Variants in CDKAL1 observed in about 807,000 individuals in gnomAD.
The protein encoded by CDKAL1 is threonylcarbamoyladenosine tRNA methylthiotransferase.
In CDKAL1, 32 loss-of-function variants were observed where a neutral mutation model predicts 68.2. The ratio of observed to expected loss-of-function variants is 0.47; its 90% CI spans 0.35 to 0.63. The LOEUF (loss-of-function observed/expected upper bound fraction) is 0.63, where lower values mean the gene tolerates loss of function less well. Ranked by LOEUF, CDKAL1 falls within the 30% of genes least tolerant of loss-of-function variation. The pLI is 0.00. For synonymous variants in CDKAL1, 234 were observed against 244.3 expected (o/e 0.96, Z 0.39); for missense variants, 606 against 696.7 (o/e 0.87, Z 1.47).
At chr6:20,821,048 C>G (rs1180956294) in intron 8 of CDKAL1, among the ~76,000 whole-genome samples, 1 of 151,692 alleles carries the variant, frequency 6.6e-6, no homozygotes, top group Non-Finnish European at 1.5e-5. Flanking sequence ...AGAAGAGGGT[C>G]TCAGCGAAGC....
chr6:20,681,201 T>A (rs1406358789), intron 5 of CDKAL1, among the ~76,000 whole-genome samples: 1 of 152,188 alleles, frequency 6.6e-6, no homozygotes, highest in African/African-American at 2.4e-5. Flanking sequence ...TGTAGGTGAA[T>A]CCCTGTAAAG....
intron 13 of CDKAL1, among the ~76,000 whole-genome samples, chr6:21,150,644 T>G (rs1249922437): frequency 6.6e-6 from 1 of 152,200 alleles, no homozygotes; most frequent in African/African-American, 2.4e-5. Flanking sequence ...GAGGAAGCAG[T>G]CAAGTCCACT....
intron 10 of CDKAL1, among the ~76,000 whole-genome samples, chr6:20,963,044 G>A (rs764570594): frequency 6.6e-6 from 1 of 152,056 alleles, no homozygotes; most frequent in Non-Finnish European, 1.5e-5. Flanking sequence ...ATATTAAAAG[G>A]GCTCATATAC....
At chr6:20,936,693 C>T (rs2150686957) in intron 9 of CDKAL1, among the ~76,000 whole-genome samples, 1 of 152,162 alleles carries the variant, frequency 6.6e-6, no homozygotes, top group South Asian at 2.1e-4. Context: ...CAAATACAGG[C>T]ATTATCTTTT....
chr6:21,159,448 T>C (rs1228860745), intron 13 of CDKAL1, among the ~76,000 whole-genome samples: 2 of 152,218 alleles, frequency 1.3e-5, no homozygotes, highest in Non-Finnish European at 2.9e-5. Flanking sequence ...AATGATCTTT[T>C]ATACAAGCTG....
At chr6:20,957,935 C>A (rs1218908992) in intron 10 of CDKAL1, among the ~76,000 whole-genome samples, 4 of 145,454 alleles carry the variant, frequency 2.8e-5, no homozygotes, top group African/African-American at 1.0e-4. Flanking sequence ...TGTGCCACTG[C>A]ACTCCAGCCT....
chr6:20,561,502 G>A (rs1489681740), intron 4 of CDKAL1, among the ~76,000 whole-genome samples: 6 of 125,764 alleles, frequency 4.8e-5, no homozygotes, highest in East Asian at 2.2e-4. Context: ...TTAATATTAA[G>A]CCAGACTGTA....
intron 4 of CDKAL1, among the ~76,000 whole-genome samples, chr6:20,601,334 A>T (rs1766087667): frequency 6.6e-6 from 1 of 152,008 alleles, no homozygotes; most frequent in South Asian, 2.1e-4. Flanking sequence ...AGTGATTCTT[A>T]TTTTTTCTTT....
At chr6:20,888,492 G>A (rs1191922176) in intron 9 of CDKAL1, among the ~76,000 whole-genome samples, 1 of 147,300 alleles carries the variant, frequency 6.8e-6, no homozygotes, top group East Asian at 2.0e-4. Context: ...TTAGCATTAG[G>A]TATATCTCCT....
rs548348439 is a variant in CDKAL1, at chr6:21,202,091, G to A, written c.1548+817G>A. ...CAAAATAAATTGCAAGGACATGTTCGTTAAAATAAAGGGAATACCGCTTCA... is the reference window on the plus strand; with the variant it reads ...CAAAATAAATTGCAAGGACATGTTCATTAAAATAAAGGGAATACCGCTTCA... On this transcript the variant is annotated intron_variant, in intron 15 of 15. Transcript: ENST00000274695. Among the ~76,000 whole-genome samples, 32 of 152,228 alleles carry A rather than the reference G, an allele frequency of 2.1e-4. 1 individual carries two copies. Among genetic ancestry groups the A allele is most frequent in the Non-Finnish European group, 3.4e-4 (23 of 68,016 alleles).
chr6:21,208,631 T>C (rs752060019), intron 15 of CDKAL1, among the ~76,000 whole-genome samples: 2 of 152,228 alleles, frequency 1.3e-5, no homozygotes, highest in Non-Finnish European at 2.9e-5. Context: ...TACTAAACTT[T>C]ATGTGAGACT....
At chr6:20,644,502 C>T (rs1295428354) in intron 4 of CDKAL1, among the ~76,000 whole-genome samples, 4 of 151,948 alleles carry the variant, frequency 2.6e-5, no homozygotes, top group Admixed American at 1.3e-4. Context: ...ATGGTGAAAC[C>T]CTGTCTCTAC....
chr6:20,780,204 AT>A (rs1347533060), intron 7 of CDKAL1, among the ~76,000 whole-genome samples: 1 of 151,750 alleles, frequency 6.6e-6, no homozygotes, highest in Non-Finnish European at 1.5e-5. Context: ...AGGGTATGGG[AT>A]TTTTTTGTAT....
At chr6:20,739,119 AG>A (rs1441733225) in intron 5 of CDKAL1, among the ~76,000 whole-genome samples, 1 of 152,146 alleles carries the variant, frequency 6.6e-6, no homozygotes, top group Non-Finnish European at 1.5e-5. Context: ...ATTGGTCAAA[AG>A]ACTAGGAAAT....
intron 13 of CDKAL1, among the ~76,000 whole-genome samples, chr6:21,127,364 AGAG>A (rs1454356626): frequency 1.3e-5 from 2 of 152,242 alleles, no homozygotes; most frequent in East Asian, 3.8e-4. Flanking sequence ...ATGTCGATAT[AGAG>A]GAATTGTTTG....
rs144436818 is a variant in CDKAL1 at position 20,806,865 on chromosome 6, A to G, written c.638+25600A>G. On this transcript the variant is annotated intron_variant, in intron 8 of 15. Coordinates refer to ENST00000274695, the MANE Select transcript of CDKAL1 (RefSeq NM_017774.3). ...TAAAGCATTACTTAGTTCAAGCTGA[A>G]GTGGAATCTGCTAAGATGTGTTACA... 5.0e-4 allele frequency among the ~76,000 whole-genome samples: 76 copies of G among 152,336 alleles called. No homozygotes were observed. The East Asian group carries it at 9.9e-3, about 20-fold the overall frequency.
intron 4 of CDKAL1, among the ~76,000 whole-genome samples, chr6:20,617,556 A>T (rs1250305979): frequency 2.0e-5 from 3 of 152,186 alleles, no homozygotes; most frequent in Admixed American, 1.3e-4. Context: ...TCCTAATGTT[A>T]TCCCTCCCCC....
chr6:21,162,376 C>G (rs1428662868), intron 13 of CDKAL1, among the ~76,000 whole-genome samples: 1 of 152,148 alleles, frequency 6.6e-6, no homozygotes, highest in Non-Finnish European at 1.5e-5. Context: ...AAAAGCAATA[C>G]TTTAAAATTT....
intron 5 of CDKAL1, among the ~76,000 whole-genome samples, chr6:20,693,661 C>T (rs1400088003): frequency 6.6e-6 from 1 of 152,194 alleles, no homozygotes; most frequent in African/African-American, 2.4e-5. Flanking sequence ...TCGCCTATGG[C>T]TTTCTGAAAG....
Sources: gnomAD v4.1 joint callset for allele counts (sites outside exome capture counted in the v4.1 genomes callset) on GRCh38, gnomAD v4.1.1 for gene constraint, MANE v1.5 for transcripts, NCBI Gene and HGNC (gene_info 2026-07-23, HGNC 2026-07-21) for gene names.